The following MBD5 variants were observed in gnomAD, a reference collection of about 807,000 sequenced individuals.
MBD5 encodes the protein methyl-CpG binding domain protein 5.
A neutral mutation model predicts 117.3 loss-of-function variants in MBD5; 13 were observed. The ratio of observed to expected loss-of-function variants is 0.11; its 90% CI spans 0.07 to 0.18. MBD5 has a LOEUF of 0.18. MBD5 is among the 10% of genes least tolerant of loss of function. The pLI is 1.00. For synonymous variants in MBD5, 727 were observed against 766.4 expected, an observed-to-expected ratio of 0.95 and a Z score of 0.85; for missense variants, 1,879 against 2,093.8, an observed-to-expected ratio of 0.90 and a Z score of 2.00.
In MBD5 at chr2:148,469,081, A is replaced by G. The variant is rs1680696075; in HGVS notation, c.1138A>G (p.Ser380Gly). The change falls in exon 8 of 14, where the codon AGT (serine) becomes GGT (glycine). Residue 380 changes from serine (S) to glycine (G), a missense_variant. By Grantham distance (56) the Ser-to-Gly change is moderately conservative. Around this residue, in one of 4 missense-constraint regions of MBD5, gnomAD observed 1,666 missense variants for 1,792.2 expected, o/e 0.93. Transcript: ENST00000642680. ...NQNPVIINPT[S>G]FHSNVHSQVP... The stretch of plus-strand genomic sequence containing the variant: ...GAACCCTGTTATCATTAATCCAACC[A>G]GTTTCCATTCAAATGTCCACTCTCA... The G allele has an allele frequency of 1.9e-6, 3 of 1,614,004 alleles. No individual in the cohort carries two copies. The highest frequency in any genetic ancestry group is 2.5e-6 in the Non-Finnish European group (3 of 1,179,968).
intron 1 of MBD5, among the ~76,000 whole-genome samples, chr2:148,137,017 C>T (rs1336403027): frequency 6.6e-6 from 1 of 152,192 alleles, no homozygotes; most frequent in Non-Finnish European, 1.5e-5. Context: ...CTGCCTCAGC[C>T]TCCTAAAGTG....
At chr2:148,398,743 A>G (rs551791061) in intron 4 of MBD5, among the ~76,000 whole-genome samples, 4 of 152,280 alleles carry the variant, frequency 2.6e-5, no homozygotes, top group African/African-American at 9.6e-5. Flanking sequence ...TATGTCCTGA[A>G]TGGTATTGCC....
Position 148,489,871 on chromosome 2 carries a change from T to A in MBD5, c.4239T>A (p.Asp1413Glu), listed in dbSNP as rs1308058154. The A allele has an allele frequency of 2.0e-5, 33 of 1,612,934 alleles. No homozygotes were observed. Among genetic ancestry groups the A allele is most frequent in the Non-Finnish European group, 2.6e-5 (31 of 1,179,652 alleles). Reference sequence around the variant, plus strand: ...ATGGGAAAAATGTGAACGAAGGAGATGGGTTTGAATATTTCAAGTCAGCAA... The same window carrying A: ...ATGGGAAAAATGTGAACGAAGGAGAAGGGTTTGAATATTTCAAGTCAGCAA... ...LDHGKNVNEG[D>E]GFEYFKSASC... Residue 1413 changes from aspartate to glutamate, a missense_variant, in exon 11 of 14, where the codon GAT becomes GAA. Transcript: ENST00000642680.
chr2:148,214,274 G>A (rs752629477), intron 2 of MBD5, among the ~76,000 whole-genome samples: 2 of 152,174 alleles, frequency 1.3e-5, no homozygotes, highest in Non-Finnish European at 2.9e-5. Context: ...TGTGAAAGCA[G>A]CCATAGGCAG....
intron 3 of MBD5, among the ~76,000 whole-genome samples, chr2:148,328,218 A>G (rs1702519938): frequency 2.0e-5 from 3 of 151,552 alleles, no homozygotes; most frequent in South Asian, 2.1e-4. Flanking sequence ...CCAGCTGCGT[A>G]CTGGGAGGAC....
Position 148,043,503 on chromosome 2 carries a change from G to C in MBD5, c.-925+21819G>C, listed in dbSNP as rs1371169158. ...AATAAATAAAAGAATAGACTTTCTA[G>C]TTACTTGGGCTCAGGAATCTCGATT... is the stretch of plus-strand genomic sequence containing the variant. On this transcript the variant is annotated intron_variant, in intron 1 of 13. Transcript: ENST00000642680. 2.8e-4 allele frequency among the ~76,000 whole-genome samples: 36 copies of C among 130,776 alleles called. No homozygotes were observed. The Admixed American group carries it at 2.8e-3, about 10-fold the overall frequency. The allele number at this position is 130,776 out of a possible 152,430, so 85.8% of individuals were successfully genotyped here.
intron 1 of MBD5, among the ~76,000 whole-genome samples, chr2:148,024,360 C>T (rs954725465): frequency 1.3e-5 from 2 of 152,078 alleles, no homozygotes; most frequent in African/African-American, 4.8e-5. Flanking sequence ...ATTAAGGGCC[C>T]ATACTTATAA....
At chr2:148,127,592 A>C (rs912063783) in intron 1 of MBD5, among the ~76,000 whole-genome samples, 1 of 152,166 alleles carries the variant, frequency 6.6e-6, no homozygotes, top group African/African-American at 2.4e-5. Context: ...ATCGTATTCC[A>C]TGGTATATAT....
intron 1 of MBD5, among the ~76,000 whole-genome samples, chr2:148,123,987 T>TA (rs1365419407): frequency 1.3e-5 from 2 of 152,128 alleles, no homozygotes; most frequent in Non-Finnish European, 2.9e-5. Context: ...ATTGTGTTGT[T>TA]AAAAAATCAC....
intron 1 of MBD5, among the ~76,000 whole-genome samples, chr2:148,138,041 A>C (rs768972981): frequency 3.3e-5 from 5 of 152,252 alleles, no homozygotes; most frequent in Admixed American, 6.5e-5. Flanking sequence ...TATATATGTC[A>C]GATTACGAAT....
chr2:148,268,438 G>A (rs1487762513), intron 3 of MBD5, among the ~76,000 whole-genome samples: 1 of 151,574 alleles, frequency 6.6e-6, no homozygotes, highest in Admixed American at 6.6e-5. Context: ...GGCTCTCCTT[G>A]TTTTTATTTT....
At chr2:148,051,604 A>AGTGTGTGT (rs59584574) in intron 1 of MBD5, among the ~76,000 whole-genome samples, 2,330 of 139,188 alleles carry the variant, frequency 0.017, 35 homozygotes, top group South Asian at 0.043. Flanking sequence ...CTGTTTGTTG[A>AGTGTGTGT]GTGTGTGTGT....
At chr2:148,087,403 A>G (rs559281225) in intron 1 of MBD5, among the ~76,000 whole-genome samples, 6 of 152,360 alleles carry the variant, frequency 3.9e-5, no homozygotes, top group Middle Eastern at 6.8e-3. Context: ...CACTGCTACT[A>G]TAACCAGCAT....
At chr2:148,184,812 G>C (rs1251355498) in intron 2 of MBD5, among the ~76,000 whole-genome samples, 1 of 152,166 alleles carries the variant, frequency 6.6e-6, no homozygotes, top group Admixed American at 6.5e-5. Context: ...TCAAAGGATG[G>C]AAGGTAGGTA....
At chr2:148,175,230 T>C (rs975810787) in intron 1 of MBD5, among the ~76,000 whole-genome samples, 1 of 152,178 alleles carries the variant, frequency 6.6e-6, no homozygotes, top group Non-Finnish European at 1.5e-5. Context: ...TAAATATATA[T>C]AGCTATTGTG....
chr2:148,209,734 A>G (rs1224461495), intron 2 of MBD5, among the ~76,000 whole-genome samples: 1 of 152,044 alleles, frequency 6.6e-6, no homozygotes, highest in Non-Finnish European at 1.5e-5. Context: ...CTCAGGAAGC[A>G]TACAACCATG....
At chr2:148,486,554 G>A (rs892361002) in intron 10 of MBD5, among the ~76,000 whole-genome samples, 13 of 151,968 alleles carry the variant, frequency 8.6e-5, no homozygotes, top group African/African-American at 3.1e-4. Flanking sequence ...CAAAGCTAAA[G>A]ACAAATGACA....
At chr2:148,185,249 A>G (rs1698626866) in intron 2 of MBD5, among the ~76,000 whole-genome samples, 1 of 152,168 alleles carries the variant, frequency 6.6e-6, no homozygotes, top group African/African-American at 2.4e-5. Flanking sequence ...TACCAGTTCA[A>G]AATTGTCCTT....
At chr2:148,173,360 C>T (rs947554965) in intron 1 of MBD5, among the ~76,000 whole-genome samples, 1 of 152,192 alleles carries the variant, frequency 6.6e-6, no homozygotes, top group Non-Finnish European at 1.5e-5. Context: ...CCTTTGCCAG[C>T]GCCTGGGGCA....
Sources: gnomAD v4.1 joint callset for allele counts (sites outside exome capture counted in the v4.1 genomes callset) on GRCh38, gnomAD v4.1.1 for gene constraint, gnomAD v4.1.1 regional missense constraint, MANE v1.5 for transcripts, NCBI Gene and HGNC (gene_info 2026-07-23, HGNC 2026-07-21) for gene names.